USP10: variants seen among roughly 807,000 people sequenced by gnomAD.
USP10 encodes the protein ubiquitin carboxyl-terminal hydrolase 10.
Under a neutral mutation model 84.5 loss-of-function variants are expected in USP10, and 22 were observed. The observed-to-expected ratio is 0.26, with a 90% confidence interval of 0.19 to 0.37. USP10 has a LOEUF of 0.37. Among genes scored for constraint, USP10 ranks in the 10% least tolerant of loss-of-function variants. The pLI, the probability that USP10 is intolerant of heterozygous loss-of-function variation, is 1.00. For missense variants in USP10, 1,019 were observed against 998.9 expected (o/e 1.02, Z -0.27); for synonymous variants, 454 against 387.6 (o/e 1.17, Z -2.01).
At chr16:84,734,136 T>A (rs184188762) in intron 2 of USP10, among the ~76,000 whole-genome samples, 25 of 152,328 alleles carry the variant, frequency 1.6e-4, no homozygotes, top group Admixed American at 1.5e-3. Context: ...GACACAGACC[T>A]GGGAATGGAA....
chr16:84,762,927 T>C, intron 8 of USP10, 62 bp from the exon 9 acceptor site: 5 of 1,019,476 alleles, frequency 4.9e-6, no homozygotes, highest in Non-Finnish European at 7.3e-6. Context: ...AAGTACTGCA[T>C]GTCCTGCAGG....
intron 1 of USP10, among the ~76,000 whole-genome samples, chr16:84,726,659 A>G (rs1908522141): frequency 6.6e-6 from 1 of 152,260 alleles, no homozygotes; most frequent in African/African-American, 2.4e-5. Context: ...AGGATCAGAA[A>G]GTAAAGATGT....
chr16:84,745,093 T>TA lies in USP10; in HGVS notation c.613dup (p.Thr205AsnfsTer6). 6.2e-7 allele frequency: 1 copy of TA among 1,613,596 alleles called. No homozygotes were observed. The highest frequency in any genetic ancestry group is 8.5e-7 in the Non-Finnish European group (1 of 1,179,624). On this transcript the variant is annotated frameshift_variant, in exon 4 of 14. Coordinates refer to ENST00000219473, the MANE Select transcript of USP10 (RefSeq NM_005153.3). LOFTEE classifies it high-confidence loss of function. ...TTATGGGTGACATGCCCCCGTCAGTTACGCCCAGGACTTGTAACAGCCCCC... is the reference window on the plus strand; with the variant it reads ...TTATGGGTGACATGCCCCCGTCAGTTAACGCCCAGGACTTGTAACAGCCCCC...
chr16:84,703,420 T>G (rs1463662839), intron 1 of USP10, among the ~76,000 whole-genome samples: 4 of 152,210 alleles, frequency 2.6e-5, no homozygotes, highest in African/African-American at 9.6e-5. Flanking sequence ...CCAGTCTCTT[T>G]TTTAGCTTGT....
chr16:84,767,419 C>G (rs1462492743), intron 10 of USP10, among the ~76,000 whole-genome samples: 1 of 152,046 alleles, frequency 6.6e-6, no homozygotes, highest in African/African-American at 2.4e-5. Flanking sequence ...AGCCTTTTTT[C>G]CTGGAATGTT....
At position 84,764,162 on chromosome 16, in the gene USP10, G is replaced by C. The variant is rs1432210443; in HGVS notation, c.1731G>C (p.Glu577Asp). 2.5e-6 allele frequency: 4 copies of C among 1,613,980 alleles called. No homozygotes were observed. Among genetic ancestry groups the C allele is most frequent in the Non-Finnish European group, 3.4e-6 (4 of 1,179,860 alleles). The change falls in exon 10 of 14, where the codon GAG becomes GAC. Residue 577 changes from glutamate to aspartate, a missense_variant. By Grantham distance (45) the Glu-to-Asp change is conservative. Coordinates refer to ENST00000219473, the MANE Select transcript of USP10 (RefSeq NM_005153.3). ...EEQEEQGEGSEDEWEQVGPRN... is the reference protein window; with the variant it reads ...EEQEEQGEGSDDEWEQVGPRN... ...AGGAAGAACAAGGTGAAGGAAGCGA[G>C]GATGAATGGGAACAAGTGGGCCCCC...
chr16:84,771,643 T>C (rs1597402340), intron 11 of USP10, among the ~76,000 whole-genome samples: 1 of 152,060 alleles, frequency 6.6e-6, no homozygotes, highest in South Asian at 2.1e-4. Flanking sequence ...CTGAGGCAGG[T>C]GGATCACCTG....
intron 1 of USP10, among the ~76,000 whole-genome samples, chr16:84,729,647 T>C (rs61633079): frequency 0.031 from 4,662 of 152,354 alleles, 218 homozygotes; most frequent in African/African-American, 0.11. Context: ...CGTTCCTTTA[T>C]TTCAGTTATA....
chr16:84,751,751 G>A (rs1166111892), intron 4 of USP10, among the ~76,000 whole-genome samples: 1 of 152,134 alleles, frequency 6.6e-6, no homozygotes, highest in Non-Finnish European at 1.5e-5. Flanking sequence ...CAGAAAAGCA[G>A]GTCAACAACA....
At chr16:84,738,202 G>T (rs114023582) in intron 2 of USP10, among the ~76,000 whole-genome samples, 1 of 152,136 alleles carries the variant, frequency 6.6e-6, no homozygotes, top group African/African-American at 2.4e-5. Context: ...TCTCTTCCCC[G>T]AGCAGAACAG....
intron 13 of USP10, among the ~76,000 whole-genome samples, chr16:84,777,796 A>G (rs922811536): frequency 6.6e-6 from 1 of 152,174 alleles, no homozygotes; most frequent in East Asian, 1.9e-4. Context: ...TTAGTGCTGA[A>G]ATTCCCTACC....
chr16:84,711,169 A>G (rs376048080), intron 1 of USP10, among the ~76,000 whole-genome samples: 3 of 152,306 alleles, frequency 2.0e-5, no homozygotes, highest in African/African-American at 7.2e-5. Context: ...GTCCATGATT[A>G]TGCCTTTTAA....
chr16:84,753,338 C>G (rs936402249), intron 4 of USP10, among the ~76,000 whole-genome samples: 6 of 152,034 alleles, frequency 3.9e-5, no homozygotes, highest in African/African-American at 1.4e-4. Flanking sequence ...CTAACATTTC[C>G]TCTTGGGATG....
At chr16:84,742,985 T>C (rs185866308) in intron 3 of USP10, among the ~76,000 whole-genome samples, 1 of 152,310 alleles carries the variant, frequency 6.6e-6, no homozygotes, top group African/African-American at 2.4e-5. Context: ...TAGTTTCTAA[T>C]GTGATTTCAC....
chr16:84,776,823 A>C (rs900295380), intron 13 of USP10, among the ~76,000 whole-genome samples: 3 of 151,822 alleles, frequency 2.0e-5, no homozygotes, highest in African/African-American at 7.3e-5. Flanking sequence ...CTAACCCATT[A>C]TTTTTTTGAG....
At chr16:84,742,884 G>A (rs1435383872) in intron 3 of USP10, among the ~76,000 whole-genome samples, 1 of 152,200 alleles carries the variant, frequency 6.6e-6, no homozygotes, top group Admixed American at 6.5e-5. Context: ...AATGTTTTAT[G>A]TTCTGATAAG....
At chr16:84,714,877 A>G (rs1415672195) in intron 1 of USP10, among the ~76,000 whole-genome samples, 1 of 151,338 alleles carries the variant, frequency 6.6e-6, no homozygotes, top group Non-Finnish European at 1.5e-5. Flanking sequence ...AACAAGTTCT[A>G]CATATGAAAT....
intron 7 of USP10, 92 bp downstream of exon 7, chr16:84,760,038 G>T: frequency 6.5e-7 from 1 of 1,544,206 alleles, no homozygotes; most frequent in Non-Finnish European, 8.9e-7. Context: ...TTGTTGGGAA[G>T]ATAGTGTCTT....
intron 1 of USP10, among the ~76,000 whole-genome samples, chr16:84,730,966 G>A (rs988160545): frequency 2.8e-5 from 4 of 145,204 alleles, no homozygotes; most frequent in African/African-American, 5.1e-5. Context: ...TTAATATATA[G>A]CATTTCTACC....
Sources: allele counts gnomAD v4.1 joint callset (sites outside exome capture counted in the v4.1 genomes callset), GRCh38; gene constraint gnomAD v4.1.1; transcripts MANE v1.5; gene names NCBI Gene and HGNC (gene_info 2026-07-23, HGNC 2026-07-21).